The following DCAKD variants were observed in gnomAD, a reference collection of about 807,000 sequenced individuals.
The protein encoded by DCAKD is dephospho-CoA kinase domain-containing protein.
In DCAKD, 15 loss-of-function variants were observed where a neutral mutation model predicts 18.7. The observed-to-expected ratio is 0.80, with a 90% CI of 0.54 to 1.24. The LOEUF is 1.24. Among genes scored for constraint, DCAKD ranks in the 50% most tolerant of loss-of-function variants. DCAKD has a pLI of 0.00. For synonymous variants in DCAKD, 130 were observed against 133.0 expected, an observed-to-expected ratio of 0.98 and a Z score of 0.16; for missense variants, 301 against 322.0, an observed-to-expected ratio of 0.93 and a Z score of 0.50.
intron 1 of DCAKD, among the ~76,000 whole-genome samples, chr17:45,056,903 G>C (rs2053786673): frequency 6.6e-6 from 1 of 151,886 alleles, no homozygotes; most frequent in Non-Finnish European, 1.5e-5. Context: ...AAGTAGCTGG[G>C]ACTACAGACG....
Position 45,034,132 on chromosome 17 carries a change from A to AGGGCCC in DCAKD, c.316+49_316+54dup, listed in dbSNP as rs1225530552. The AGGGCCC allele has an allele frequency of 5.6e-6, 9 of 1,611,054 alleles. No individual in the cohort carries two copies. The Admixed American group carries it at 1.5e-4, about 27-fold the overall frequency. On this transcript the variant is annotated intron_variant, in intron 3 of 4. Transcript: ENST00000651974. ...CTGGCCAAACTTTCTGCAGAGGAGA[A>AGGGCCC]GGGCCCTGGCCCTGGAAGGAGGCCC... is the stretch of plus-strand genomic sequence containing the variant.
rs67338318 is a variant in DCAKD at position 45,023,603 on chromosome 17, TAAAAAAAAAAA to T, written c.*819_*829del. ...CCTGAACTGAGAGCTAGTTGTAGGT[TAAAAAAAAAAA>T]AAAAAAAAAAAAGGAAGAAGAAATA... On this transcript the variant is annotated 3_prime_UTR_variant, in exon 5 of 5. Transcript: ENST00000651974. The T allele has an allele frequency of 4.9e-5, 4 of 81,684 alleles. No individual in the cohort carries two copies. Among genetic ancestry groups the T allele is most frequent in the East Asian group, 3.6e-4 (1 of 2,750 alleles). The allele number at this position is 81,684 out of a possible 1,614,324, so 5.1% of individuals were successfully genotyped here.
At chr17:45,055,985 C>G (rs1225070580), upstream of DCAKD, among the ~76,000 whole-genome samples, 1 of 152,130 alleles carries the variant, frequency 6.6e-6, no homozygotes, top group Non-Finnish European at 1.5e-5. Context: ...GAAACCCCTT[C>G]TCTACTAAAA....
chr17:45,051,660 C>A (rs921096477), upstream of DCAKD: 1 of 146,266 alleles, frequency 6.8e-6, no homozygotes, highest in African/African-American at 2.5e-5. Context: ...CGCCTGCAGA[C>A]CGGACGTCCG....
chr17:45,042,716 C>A (rs1484689468), intron 1 of DCAKD, among the ~76,000 whole-genome samples: 2 of 152,228 alleles, frequency 1.3e-5, no homozygotes, highest in Non-Finnish European at 2.9e-5. Flanking sequence ...CACTCCTAAT[C>A]TTTCATTATT....
chr17:45,038,353 C>T (rs892624834), intron 1 of DCAKD, among the ~76,000 whole-genome samples: 1 of 152,126 alleles, frequency 6.6e-6, no homozygotes, highest in African/African-American at 2.4e-5. Flanking sequence ...TGTAACAGCG[C>T]TCAGGATAAA....
intron 1 of DCAKD, among the ~76,000 whole-genome samples, chr17:45,041,954 TA>T (rs556920225): frequency 3.5e-3 from 500 of 142,600 alleles, no homozygotes; most frequent in African/African-American, 4.5e-3. Flanking sequence ...TCCTGTCTCT[TA>T]AAAAAAAAAA....
chr17:45,045,950 C>T (rs1349553791), intron 1 of DCAKD, among the ~76,000 whole-genome samples: 1 of 151,756 alleles, frequency 6.6e-6, no homozygotes, highest in African/African-American at 2.4e-5. Context: ...CTCAGCCTCC[C>T]GAGTAGCTGG....
chr17:45,056,318 T>A (rs2143414395), upstream of DCAKD, among the ~76,000 whole-genome samples: 1 of 152,306 alleles, frequency 6.6e-6, no homozygotes, highest in African/African-American at 2.4e-5. Flanking sequence ...AATTCTGTCC[T>A]AGACACTTTT....
At chr17:45,054,877 G>A (rs113017826), upstream of DCAKD, among the ~76,000 whole-genome samples, 33 of 152,094 alleles carry the variant, frequency 2.2e-4, no homozygotes, top group African/African-American at 7.5e-4. Flanking sequence ...TTAGGAAACC[G>A]TCCAGATGAC....
chr17:45,044,133 G>C (rs1193175935), intron 1 of DCAKD, among the ~76,000 whole-genome samples: 1 of 152,108 alleles, frequency 6.6e-6, no homozygotes, highest in South Asian at 2.1e-4. Context: ...CCATCTCAGT[G>C]AGTACAAGCC....
At chr17:45,039,739 G>T (rs2143284690) in intron 1 of DCAKD, among the ~76,000 whole-genome samples, 1 of 152,342 alleles carries the variant, frequency 6.6e-6, no homozygotes, top group African/African-American at 2.4e-5. Flanking sequence ...GAACGGTGCA[G>T]CTCCCCAGGG....
upstream of DCAKD, among the ~76,000 whole-genome samples, chr17:45,053,845 G>A (rs2053752736): frequency 6.6e-6 from 1 of 152,204 alleles, no homozygotes; most frequent in Non-Finnish European, 1.5e-5. Context: ...TTATAGGCAT[G>A]AGCCACGGTG....
At chr17:45,032,034 G>C (rs998867316) in intron 3 of DCAKD, 1 of 985,458 alleles carries the variant, frequency 1.0e-6, no homozygotes, top group Non-Finnish European at 1.2e-6. Context: ...CACAGTGAAA[G>C]AGCTTTGGAG....
upstream of DCAKD, chr17:45,054,141 A>G: frequency 1.9e-6 from 1 of 518,910 alleles, no homozygotes; most frequent in South Asian, 1.4e-5. Context: ...CAAAAGGGCC[A>G]TTTGGTACAA....
chr17:45,046,651 T>C (rs2053577707), intron 1 of DCAKD, among the ~76,000 whole-genome samples: 1 of 150,488 alleles, frequency 6.6e-6, no homozygotes, highest in East Asian at 1.9e-4. Context: ...AGCTCTATGT[T>C]TGCCCACGGT....
At chr17:45,042,423 G>A (rs770869854) in intron 1 of DCAKD, among the ~76,000 whole-genome samples, 1 of 152,078 alleles carries the variant, frequency 6.6e-6, no homozygotes, top group Non-Finnish European at 1.5e-5. Context: ...CAACAGACCC[G>A]CCCCTGCGTG....
upstream of DCAKD, chr17:45,061,115 G>A: frequency 7.4e-7 from 1 of 1,346,644 alleles, no homozygotes; most frequent in Non-Finnish European, 9.5e-7. Flanking sequence ...CGAATGCCTA[G>A]GCTTCCGGGT....
At chr17:45,061,092 C>T (rs1214445434) in exon 1 of DCAKD, 1 of 1,309,442 alleles carries the variant, frequency 7.6e-7, no homozygotes, top group Admixed American at 3.8e-5. Flanking sequence ...CCCTTCTTTC[C>T]TCAAAGCGTG....
Sources: gnomAD v4.1 joint callset for allele counts (sites outside exome capture counted in the v4.1 genomes callset) on GRCh38, gnomAD v4.1.1 for gene constraint, MANE v1.5 for transcripts, NCBI Gene and HGNC (gene_info 2026-07-23, HGNC 2026-07-21) for gene names.